The following KAZN variants were observed in gnomAD, a reference collection of about 807,000 sequenced individuals.
KAZN encodes the protein kazrin, periplakin interacting protein.
KAZN carries 40 observed loss-of-function variants against 87.4 expected under a neutral mutation model. The ratio of observed to expected loss-of-function variants is 0.46; its 90% CI spans 0.36 to 0.60. The LOEUF (loss-of-function observed/expected upper bound fraction) is 0.60, where lower values mean the gene tolerates loss of function less well. KAZN is among the 20% of genes least tolerant of loss of function. The probability of loss-of-function intolerance (pLI) is 0.00; values close to 1 mark genes in which losing one functional copy is unlikely to be tolerated. For synonymous variants in KAZN, 466 were observed against 458.3 expected (o/e 1.02, Z -0.22); for missense variants, 898 against 1,073.9 (o/e 0.84, Z 2.29).
chr1:14,395,951 G>C (rs922677065), intron 2 of KAZN, among the ~76,000 whole-genome samples: 1 of 151,878 alleles, frequency 6.6e-6, no homozygotes, highest in Non-Finnish European at 1.5e-5. Context: ...GGTAGATCAC[G>C]AGGTCAGACG....
intron 1 of KAZN, among the ~76,000 whole-genome samples, chr1:14,138,111 A>G (rs1015070903): frequency 5.9e-5 from 6 of 102,514 alleles, no homozygotes; most frequent in African/African-American, 2.1e-4. Context: ...GTGTGTGTAT[A>G]CATATCCTAT....
chr1:14,889,109 G>A lies in KAZN; in HGVS notation c.227-71575G>A, dbSNP rs546118717. Reference sequence around the variant, plus strand: ...CCATTCCGGGCCGCATGCAGCCTGCGGGCCATGGGTTAGACAAGCTTGCAA... The same window carrying A: ...CCATTCCGGGCCGCATGCAGCCTGCAGGCCATGGGTTAGACAAGCTTGCAA... On this transcript the variant is annotated intron_variant, in intron 1 of 14. Coordinates refer to ENST00000376030, the MANE Select transcript of KAZN (RefSeq NM_201628.3). Among the ~76,000 whole-genome samples the A allele has an allele frequency of 9.2e-5, 14 of 152,312 alleles. No homozygotes were observed. In the South Asian group the frequency reaches 1.0e-3, roughly 11 times the overall value.
intron 2 of KAZN, among the ~76,000 whole-genome samples, chr1:14,588,841 G>A (rs1676012892): frequency 6.6e-6 from 1 of 152,190 alleles, no homozygotes; most frequent in African/African-American, 2.4e-5. Flanking sequence ...ATGAAGCTCA[G>A]TTTCTTTTCT....
intron 1 of KAZN, among the ~76,000 whole-genome samples, chr1:14,675,050 G>A (rs1422569816): frequency 6.6e-6 from 1 of 152,192 alleles, no homozygotes; most frequent in Non-Finnish European, 1.5e-5. Flanking sequence ...TCACTCCGAG[G>A]TGCCCTGTGC....
chr1:14,431,744 G>T (rs1666083587), intron 2 of KAZN, among the ~76,000 whole-genome samples: 1 of 152,148 alleles, frequency 6.6e-6, no homozygotes, highest in African/African-American at 2.4e-5. Flanking sequence ...AGACTCCAGG[G>T]TCTTCAGCCT....
chr1:14,095,526 A>C (rs1557471395), intron 1 of KAZN, among the ~76,000 whole-genome samples: 1 of 152,186 alleles, frequency 6.6e-6, no homozygotes, highest in Non-Finnish European at 1.5e-5. Context: ...TCTACTCCAC[A>C]ATGTCTGGGG....
chr1:14,031,416 C>T (rs1253569942), intron 1 of KAZN, among the ~76,000 whole-genome samples: 4 of 152,168 alleles, frequency 2.6e-5, no homozygotes, highest in Non-Finnish European at 5.9e-5. Context: ...GAAGATGTTG[C>T]GGGCAACCAG....
chr1:14,328,380 CAT>C (rs1454561688), intron 2 of KAZN, among the ~76,000 whole-genome samples: 1 of 151,992 alleles, frequency 6.6e-6, no homozygotes, highest in Non-Finnish European at 1.5e-5. Context: ...AAGTCTCTCG[CAT>C]ATGTGTGTTG....
At chr1:15,026,573 G>C (rs940454252) in intron 2 of KAZN, among the ~76,000 whole-genome samples, 5 of 152,128 alleles carry the variant, frequency 3.3e-5, no homozygotes, top group African/African-American at 1.2e-4. Context: ...GTGTCTTTCT[G>C]AGGTTCTCGT....
At chr1:13,951,246 G>A (rs1014063859) in intron 1 of KAZN, among the ~76,000 whole-genome samples, 8 of 152,176 alleles carry the variant, frequency 5.3e-5, no homozygotes, top group Non-Finnish European at 1.2e-4. Flanking sequence ...AGTGTGGTAA[G>A]GGACATGGGA....
intron 2 of KAZN, among the ~76,000 whole-genome samples, chr1:14,443,466 C>T (rs376866600): frequency 6.6e-6 from 1 of 152,344 alleles, no homozygotes; most frequent in South Asian, 2.1e-4. Context: ...AGCAGCCCAC[C>T]TCGTTTGCAA....
At chr1:14,519,854 C>T (rs1237210183) in intron 2 of KAZN, among the ~76,000 whole-genome samples, 2 of 152,000 alleles carry the variant, frequency 1.3e-5, no homozygotes, top group Admixed American at 6.6e-5. Flanking sequence ...GTGGATAGGC[C>T]TGGGTTGGCC....
At chr1:14,498,038 C>G (rs1266169684) in intron 2 of KAZN, among the ~76,000 whole-genome samples, 1 of 138,076 alleles carries the variant, frequency 7.2e-6, no homozygotes, top group Non-Finnish European at 1.7e-5. Context: ...AGCTGCTTCT[C>G]CTTCACCTCA....
At chr1:14,244,124 A>AAC (rs34442669) in intron 2 of KAZN, among the ~76,000 whole-genome samples, 6,085 of 152,314 alleles carry the variant, frequency 0.04, 182 homozygotes, top group East Asian at 0.098. Context: ...CAAACAAACA[A>AAC]ACAAAAAACT....
chr1:13,932,008 A>ATTTT (rs35231877), intron 1 of KAZN, among the ~76,000 whole-genome samples: 2 of 122,918 alleles, frequency 1.6e-5, no homozygotes, highest in African/African-American at 3.1e-5. Flanking sequence ...GGCTTGGCTA[A>ATTTT]TTTTTTTTTT....
At chr1:14,967,176 G>A (rs1436983256) in intron 2 of KAZN, among the ~76,000 whole-genome samples, 2 of 152,124 alleles carry the variant, frequency 1.3e-5, no homozygotes, top group South Asian at 4.1e-4. Context: ...GGTGTTTTAG[G>A]ATGTCCCCAT....
intron 2 of KAZN, among the ~76,000 whole-genome samples, chr1:14,247,418 G>A (rs571940368): frequency 7.0e-4 from 107 of 152,300 alleles, no homozygotes; most frequent in African/African-American, 2.5e-3. Flanking sequence ...ATCAAAACAA[G>A]TAAAAAGGAT....
chr1:14,570,021 G>A (rs2148543165), intron 2 of KAZN, among the ~76,000 whole-genome samples: 1 of 152,280 alleles, frequency 6.6e-6, no homozygotes, highest in East Asian at 1.9e-4. Context: ...GCCGCGGCAG[G>A]AGAATTGCTT....
intron 2 of KAZN, among the ~76,000 whole-genome samples, chr1:14,590,894 C>T (rs1291958947): frequency 6.6e-6 from 1 of 152,162 alleles, no homozygotes; most frequent in Non-Finnish European, 1.5e-5. Context: ...AGAACTAGTA[C>T]GTGGCAGGGC....
Sources: allele counts gnomAD v4.1 joint callset (sites outside exome capture counted in the v4.1 genomes callset), GRCh38; gene constraint gnomAD v4.1.1; transcripts MANE v1.5; gene names NCBI Gene and HGNC (gene_info 2026-07-23, HGNC 2026-07-21).